The following LMO7 variants were observed in gnomAD, a reference collection of about 807,000 sequenced individuals.
LMO7 encodes LIM domain only protein 7.
LMO7 carries 120 observed loss-of-function variants against 206.5 expected under a neutral mutation model. The observed-to-expected ratio is 0.58, with a 90% CI of 0.50 to 0.68. The LOEUF (loss-of-function observed/expected upper bound fraction) is 0.68, where lower values mean the gene tolerates loss of function less well. Ranked by LOEUF, LMO7 falls within the 30% of genes least tolerant of loss-of-function variation. The pLI is 0.00. For synonymous variants in LMO7, 706 were observed against 681.5 expected (o/e 1.04, Z -0.56); for missense variants, 1,959 against 1,957.9 (o/e 1.00, Z -0.01).
At chr13:75,671,520 C>T (rs2039579370) in intron 1 of LMO7, among the ~76,000 whole-genome samples, 1 of 152,132 alleles carries the variant, frequency 6.6e-6, no homozygotes, top group African/African-American at 2.4e-5. Flanking sequence ...CGTGTGATTA[C>T]TTTTCTGTCT....
intron 11 of LMO7, among the ~76,000 whole-genome samples, chr13:75,809,458 C>T (rs1397940857): frequency 2.0e-5 from 3 of 152,098 alleles, no homozygotes; most frequent in African/African-American, 7.2e-5. Context: ...GATTAAAAGT[C>T]ACAAAAGCAC....
At chr13:75,644,093 A>G (rs143910768) in intron 1 of LMO7, among the ~76,000 whole-genome samples, 1,628 of 152,268 alleles carry the variant, frequency 0.011, 28 homozygotes, top group South Asian at 0.074. Flanking sequence ...GCAGTGCCCT[A>G]CACTACATGA....
rs17064890 is a variant in LMO7 at position 75,695,647 on chromosome 13, G to T, written c.70-17535G>T. ...GGCGTGAGCTACCACGCCTGGCCTG[G>T]AATGTTTTTAACCCTAGAAAGTTGT... On this transcript the variant is annotated intron_variant, in intron 1 of 30. Transcript: ENST00000377534. Among the ~76,000 whole-genome samples, 1,022 of 152,146 alleles carry T rather than the reference G, an allele frequency of 6.7e-3. 8 individuals are homozygous for T. Among genetic ancestry groups the T allele is most frequent in the African/African-American group, 0.021 (888 of 41,506 alleles).
At chr13:75,759,279 C>G (rs2047948709) in intron 3 of LMO7, among the ~76,000 whole-genome samples, 1 of 152,282 alleles carries the variant, frequency 6.6e-6, no homozygotes, top group Non-Finnish European at 1.5e-5. Context: ...TGGGGACACA[C>G]AGCCAAACCA....
intron 3 of LMO7, among the ~76,000 whole-genome samples, chr13:75,743,492 A>G (rs778721294): frequency 6.6e-6 from 1 of 152,242 alleles, no homozygotes; most frequent in Non-Finnish European, 1.5e-5. Flanking sequence ...AATATGGTAC[A>G]TATATAGCAT....
rs374411902 is a variant in LMO7, at chr13:75,823,714, T to C, written c.2790T>C (p.Asp930=). The change falls in exon 15 of 31, where the codon GAT becomes GAC. Residue 930 remains aspartate (D), a synonymous_variant. Transcript: ENST00000377534. ...AAGAGGTAGCAGCAACAGAAGAAGATGTGACAAGGCTGCCCTCTCCTACAT... is the reference window on the plus strand; with the variant it reads ...AAGAGGTAGCAGCAACAGAAGAAGACGTGACAAGGCTGCCCTCTCCTACAT... ...SQKEVAATEE[D]VTRLPSPTSP... 1.8e-5 allele frequency: 29 copies of C among 1,614,032 alleles called. No homozygotes were observed. The Admixed American group carries it at 2.5e-4, about 14-fold the overall frequency.
chr13:75,729,126 A>T (rs1792100914), intron 3 of LMO7, among the ~76,000 whole-genome samples: 1 of 149,782 alleles, frequency 6.7e-6, no homozygotes, highest in African/African-American at 2.4e-5. Context: ...TTTTGGTTCC[A>T]TATGAACTTT....
chr13:75,651,252 T>C (rs2139136347), intron 1 of LMO7, among the ~76,000 whole-genome samples: 1 of 152,284 alleles, frequency 6.6e-6, no homozygotes, highest in East Asian at 1.9e-4. Flanking sequence ...TCTTGCTCCT[T>C]GATTATTACC....
chr13:75,670,593 A>G (rs1384563257), intron 1 of LMO7, among the ~76,000 whole-genome samples: 1 of 152,226 alleles, frequency 6.6e-6, no homozygotes, highest in Non-Finnish European at 1.5e-5. Flanking sequence ...GAAAAGGTAC[A>G]GTAGAAATAT....
intron 1 of LMO7, among the ~76,000 whole-genome samples, chr13:75,639,306 T>C (rs1463774666): frequency 6.6e-6 from 1 of 152,244 alleles, no homozygotes; most frequent in Non-Finnish European, 1.5e-5. Flanking sequence ...ATTGTACTTA[T>C]ATACTTGAGT....
At chr13:75,720,132 T>C (rs1294485148) in intron 2 of LMO7, among the ~76,000 whole-genome samples, 1 of 152,230 alleles carries the variant, frequency 6.6e-6, no homozygotes, top group Non-Finnish European at 1.5e-5. Flanking sequence ...CATCTGTGTG[T>C]CTTCCTTAGT....
chr13:75,642,969 A>G (rs17064821), intron 1 of LMO7, among the ~76,000 whole-genome samples: 4,212 of 152,322 alleles, frequency 0.028, 188 homozygotes, highest in African/African-American at 0.095. Flanking sequence ...AAAAGGTTCA[A>G]TGAAGTCACA....
intron 4 of LMO7, among the ~76,000 whole-genome samples, chr13:75,768,627 ATTGT>A (rs779805450): frequency 6.6e-6 from 1 of 151,920 alleles, no homozygotes; most frequent in Non-Finnish European, 1.5e-5. Context: ...AAAGCTTCAC[ATTGT>A]TTGTGAGTTT....
At chr13:75,807,393 A>C (rs2055683863) in intron 9 of LMO7, 87 bp from the exon 10 acceptor site, 7 of 1,397,098 alleles carry the variant, frequency 5.0e-6, no homozygotes, top group Non-Finnish European at 6.8e-6. Context: ...TTGGTCTGCT[A>C]ATCACCTTTG....
At chr13:75,815,164 T>A (rs1168101384) in intron 11 of LMO7, among the ~76,000 whole-genome samples, 1 of 152,186 alleles carries the variant, frequency 6.6e-6, no homozygotes, top group East Asian at 1.9e-4. Flanking sequence ...GGTGATGTGA[T>A]GTGATTATTA....
chr13:75,763,521 TGA>T (rs1377625158), intron 4 of LMO7, among the ~76,000 whole-genome samples: 1 of 152,196 alleles, frequency 6.6e-6, no homozygotes, highest in Non-Finnish European at 1.5e-5. Flanking sequence ...GTAACTTGTC[TGA>T]GAGTGTGGTA....
chr13:75,856,695 C>T, intron 30 of LMO7, 87 bp downstream of exon 30: 1 of 782,152 alleles, frequency 1.3e-6, no homozygotes, highest in Middle Eastern at 2.3e-4. Flanking sequence ...CAGCGAGCTC[C>T]CCTCCAAGTT....
rs66789925 is a variant in LMO7, at chr13:75,822,762, CTATATATA to C, written c.2641-776_2641-769del. ...GTGTTGCTACAATTATTTTTAGAAACTATATATATATATATATATATATATATATATAT... is the reference window on the plus strand; with the variant it reads ...GTGTTGCTACAATTATTTTTAGAAACTATATATATATATATATATATATAT... On this transcript the variant is annotated intron_variant, in intron 14 of 30. Coordinates refer to ENST00000377534, the MANE Select transcript of LMO7 (RefSeq NM_001306080.2). 6.5e-3 allele frequency among the ~76,000 whole-genome samples: 701 copies of C among 108,438 alleles called. 8 individuals are homozygous for C. Among genetic ancestry groups the C allele is most frequent in the African/African-American group, 0.016 (435 of 27,450 alleles). 71.1% of individuals were successfully genotyped at this position (108,438 alleles called of 152,430 possible).
rs140387386 is a variant in LMO7, at chr13:75,858,632, C to CT, written c.*692dup. ...AAGTCTTCTTCAGAAACTGGTGAGC[C>CT]TTTCTGTTCAATTGCATTTGTAAAT... On this transcript the variant is annotated 3_prime_UTR_variant, in exon 31 of 31. Transcript: ENST00000377534. 201 of 152,672 alleles carry CT rather than the reference C, an allele frequency of 1.3e-3. 1 individual carries two copies. Among genetic ancestry groups the CT allele is most frequent in the African/African-American group, 4.8e-3 (198 of 41,552 alleles). The allele number at this position is 152,672 out of a possible 1,614,324, so 9.5% of individuals were successfully genotyped here.
Sources: allele counts gnomAD v4.1 joint callset (sites outside exome capture counted in the v4.1 genomes callset), GRCh38; gene constraint gnomAD v4.1.1; transcripts MANE v1.5; gene names NCBI Gene and HGNC (gene_info 2026-07-23, HGNC 2026-07-21).